ZBTB16: variants seen among roughly 807,000 people sequenced by gnomAD.
ZBTB16 encodes zinc finger and BTB domain containing 16, also known as zinc finger and BTB domain-containing protein 16.
Under a neutral mutation model 56.8 loss-of-function variants are expected in ZBTB16, and 8 were observed. The observed-to-expected ratio is 0.14, with a 90% CI of 0.08 to 0.25. The LOEUF is 0.25. Among genes scored for constraint, ZBTB16 ranks in the 10% least tolerant of loss-of-function variants. The pLI is 1.00. For missense variants in ZBTB16, 625 were observed against 903.0 expected (o/e 0.69, Z 3.95); for synonymous variants, 363 against 368.5 (o/e 0.98, Z 0.17).
At chr11:114,212,476 A>C (rs768759676) in intron 4 of ZBTB16, among the ~76,000 whole-genome samples, 1 of 152,126 alleles carries the variant, frequency 6.6e-6, no homozygotes, top group African/African-American at 2.4e-5. Flanking sequence ...TAGCCACACA[A>C]ATTTAGAAAG....
intron 4 of ZBTB16, among the ~76,000 whole-genome samples, chr11:114,226,097 G>C (rs1010622802): frequency 1.6e-4 from 24 of 152,180 alleles, no homozygotes; most frequent in Admixed American, 1.4e-3. Context: ...GGGCCAAGAA[G>C]TATTTTCTTA....
intron 4 of ZBTB16, among the ~76,000 whole-genome samples, chr11:114,226,745 T>TACCAG (rs1212876178): frequency 6.6e-6 from 1 of 152,134 alleles, no homozygotes; most frequent in Non-Finnish European, 1.5e-5. Flanking sequence ...GCCAGATGCC[T>TACCAG]ACCAGACACT....
intron 5 of ZBTB16, among the ~76,000 whole-genome samples, chr11:114,246,049 G>T (rs1384531622): frequency 6.6e-6 from 1 of 152,136 alleles, no homozygotes; most frequent in Admixed American, 6.5e-5. Flanking sequence ...AGGCAAGATG[G>T]TTATTCTCCA....
intron 2 of ZBTB16, among the ~76,000 whole-genome samples, chr11:114,095,651 C>T (rs1233482570): frequency 1.3e-5 from 2 of 152,192 alleles, no homozygotes; most frequent in African/African-American, 4.8e-5. Context: ...CTTCTTCACT[C>T]GCCCACTTTC....
chr11:114,108,974 C>T (rs985832527), intron 2 of ZBTB16, among the ~76,000 whole-genome samples: 6 of 152,236 alleles, frequency 3.9e-5, no homozygotes, highest in Admixed American at 2.0e-4. Flanking sequence ...CTCTGCCTAC[C>T]TCCTGCGTGT....
chr11:114,210,427 T>C (rs1943977361), intron 4 of ZBTB16, among the ~76,000 whole-genome samples: 1 of 152,166 alleles, frequency 6.6e-6, no homozygotes, highest in Non-Finnish European at 1.5e-5. Flanking sequence ...CAAATCTCTG[T>C]CTGCAACAGC....
intron 2 of ZBTB16, among the ~76,000 whole-genome samples, chr11:114,131,251 T>G (rs554638813): frequency 5.9e-5 from 9 of 152,268 alleles, no homozygotes; most frequent in African/African-American, 2.2e-4. Context: ...GTTTCTGAAT[T>G]TCCTATCGTG....
intron 3 of ZBTB16, among the ~76,000 whole-genome samples, chr11:114,170,053 G>A (rs1423987779): frequency 6.6e-6 from 1 of 152,196 alleles, no homozygotes; most frequent in Admixed American, 6.5e-5. Context: ...TCCTTGGCCT[G>A]GAGGTTGAGA....
intron 2 of ZBTB16, among the ~76,000 whole-genome samples, chr11:114,094,378 G>C (rs1940304280): frequency 6.6e-6 from 1 of 152,180 alleles, no homozygotes; most frequent in African/African-American, 2.4e-5. Flanking sequence ...AACCAAACGA[G>C]TCCGTGTAAA....
At chr11:114,168,803 G>C (rs1354821924) in intron 3 of ZBTB16, among the ~76,000 whole-genome samples, 2 of 152,248 alleles carry the variant, frequency 1.3e-5, no homozygotes, top group Admixed American at 1.3e-4. Flanking sequence ...AGGGTCCTGG[G>C]GGTGGGGAGG....
At chr11:114,153,189 C>T (rs1942318582) in intron 2 of ZBTB16, among the ~76,000 whole-genome samples, 1 of 152,220 alleles carries the variant, frequency 6.6e-6, no homozygotes, top group African/African-American at 2.4e-5. Flanking sequence ...CACTTTTCCA[C>T]ATTCTTCCTT....
intron 3 of ZBTB16, among the ~76,000 whole-genome samples, chr11:114,168,405 C>T (rs1298683611): frequency 6.6e-6 from 1 of 152,144 alleles, no homozygotes; most frequent in Non-Finnish European, 1.5e-5. Context: ...GTGAAGGGCT[C>T]AGGATGCATG....
intron 2 of ZBTB16, among the ~76,000 whole-genome samples, chr11:114,154,573 G>A (rs1942358647): frequency 6.6e-6 from 1 of 152,140 alleles, no homozygotes; most frequent in Admixed American, 6.5e-5. Flanking sequence ...AATGCTATTA[G>A]GACATGTCCC....
At chr11:114,195,384 G>A (rs1189454850) in intron 4 of ZBTB16, among the ~76,000 whole-genome samples, 1 of 152,154 alleles carries the variant, frequency 6.6e-6, no homozygotes, top group Non-Finnish European at 1.5e-5. Context: ...GCCAGGGCTG[G>A]TCTGTGTGGG....
chr11:114,218,248 G>A (rs1256534135), intron 4 of ZBTB16, among the ~76,000 whole-genome samples: 2 of 152,150 alleles, frequency 1.3e-5, no homozygotes, highest in Non-Finnish European at 2.9e-5. Flanking sequence ...ATTGCTGCAC[G>A]TACCATCCCT....
At chr11:114,107,713 A>G (rs779462370) in intron 2 of ZBTB16, among the ~76,000 whole-genome samples, 1 of 152,180 alleles carries the variant, frequency 6.6e-6, no homozygotes, top group Non-Finnish European at 1.5e-5. Flanking sequence ...GAGATGCATA[A>G]TATGTGTCTG....
chr11:114,116,375 G>C (rs780447724), intron 2 of ZBTB16, among the ~76,000 whole-genome samples: 13 of 152,160 alleles, frequency 8.5e-5, no homozygotes, highest in Non-Finnish European at 1.5e-4. Flanking sequence ...CTGCATATTT[G>C]ATTACTTTCT....
At chr11:114,091,438 CTGTGGA>C (rs1181948083) in intron 2 of ZBTB16, among the ~76,000 whole-genome samples, 2 of 151,936 alleles carry the variant, frequency 1.3e-5, no homozygotes, top group Non-Finnish European at 2.9e-5. Flanking sequence ...AACTCCTGGC[CTGTGGA>C]TGTCCGTTTC....
intron 2 of ZBTB16, among the ~76,000 whole-genome samples, chr11:114,122,895 G>A (rs656802): frequency 0.95 from 144,679 of 152,280 alleles, 68,746 homozygotes; most frequent in East Asian, 1. Flanking sequence ...TGCTCAGGCT[G>A]TCATAACAAG....
Sources: gnomAD v4.1 joint callset for allele counts (sites outside exome capture counted in the v4.1 genomes callset) on GRCh38, gnomAD v4.1.1 for gene constraint, MANE v1.5 for transcripts, NCBI Gene and HGNC (gene_info 2026-07-23, HGNC 2026-07-21) for gene names.